The following CNTNAP5 variants were observed in gnomAD, a reference collection of about 807,000 sequenced individuals.
CNTNAP5 encodes the protein contactin-associated protein-like 5.
A neutral mutation model predicts 150.2 loss-of-function variants in CNTNAP5; 72 were observed. The ratio of observed to expected loss-of-function variants is 0.48; its 90% CI spans 0.40 to 0.58. CNTNAP5 has a LOEUF of 0.58. CNTNAP5 is among the 20% of genes least tolerant of loss of function. The pLI is 0.00. For synonymous variants in CNTNAP5, 672 were observed against 619.8 expected, an observed-to-expected ratio of 1.08 and a Z score of -1.25; for missense variants, 1,636 against 1,626.2, an observed-to-expected ratio of 1.01 and a Z score of -0.10.
At chr2:124,831,371 T>C (rs1346063062) in intron 19 of CNTNAP5, among the ~76,000 whole-genome samples, 3 of 151,908 alleles carry the variant, frequency 2.0e-5, no homozygotes, top group Non-Finnish European at 2.9e-5. Flanking sequence ...ATCATATCCA[T>C]TCCATTCATA....
chr2:124,451,388 C>A (rs1020464917), intron 6 of CNTNAP5, among the ~76,000 whole-genome samples: 2 of 151,670 alleles, frequency 1.3e-5, no homozygotes, highest in African/African-American at 4.8e-5. Flanking sequence ...GGCATAAAAT[C>A]CAGAAACTTG....
At chr2:124,474,206 A>T (rs1391956913) in intron 6 of CNTNAP5, among the ~76,000 whole-genome samples, 3 of 152,054 alleles carry the variant, frequency 2.0e-5, no homozygotes, top group African/African-American at 7.2e-5. Context: ...CATCACATTG[A>T]TTCTTAATTA....
chr2:124,757,023 C>G (rs1226430022), intron 14 of CNTNAP5, among the ~76,000 whole-genome samples: 1 of 152,146 alleles, frequency 6.6e-6, no homozygotes, highest in East Asian at 1.9e-4. Context: ...TAATAGCATG[C>G]CAGCACAAAT....
At chr2:124,618,416 A>AT (rs1313266668) in intron 12 of CNTNAP5, among the ~76,000 whole-genome samples, 3 of 152,130 alleles carry the variant, frequency 2.0e-5, no homozygotes, top group Admixed American at 2.0e-4. Flanking sequence ...GTGAATATAT[A>AT]AAAGGAATTT....
intron 6 of CNTNAP5, among the ~76,000 whole-genome samples, chr2:124,460,760 C>T (rs531217148): frequency 1.3e-5 from 2 of 152,112 alleles, no homozygotes; most frequent in Admixed American, 6.6e-5. Context: ...TTTTACTTGG[C>T]GTTGCCTAAT....
intron 1 of CNTNAP5, among the ~76,000 whole-genome samples, chr2:124,108,047 A>G (rs1683206842): frequency 6.6e-6 from 1 of 152,248 alleles, no homozygotes; most frequent in Admixed American, 6.5e-5. Context: ...TTACATAAAC[A>G]GTGGGGCAGA....
Position 124,221,860 on chromosome 2 carries a change from T to C in CNTNAP5, c.187+51T>C, listed in dbSNP as rs565222703. 7 of 1,220,088 alleles carry C rather than the reference T, an allele frequency of 5.7e-6. No homozygotes were observed. The African/African-American group carries it at 1.0e-4, about 18-fold the overall frequency. 75.6% of individuals were successfully genotyped at this position (1,220,088 alleles called of 1,614,324 possible). The stretch of plus-strand genomic sequence containing the variant: ...TGCCAAGCACTAAATAATTACGTGG[T>C]GGGTAGGTGAAGGAGAGTGAGCACT... On this transcript the variant is annotated intron_variant, in intron 2 of 23. Coordinates refer to ENST00000682447, the MANE Select transcript of CNTNAP5 (RefSeq NM_001367498.1).
chr2:124,357,273 G>A (rs938964502), intron 3 of CNTNAP5, among the ~76,000 whole-genome samples: 2 of 152,080 alleles, frequency 1.3e-5, no homozygotes, highest in Non-Finnish European at 2.9e-5. Context: ...TCACTCTGAT[G>A]GTAGTTTATT....
At chr2:124,854,633 T>G (rs958273906) in intron 19 of CNTNAP5, among the ~76,000 whole-genome samples, 1 of 152,236 alleles carries the variant, frequency 6.6e-6, no homozygotes, top group Non-Finnish European at 1.5e-5. Flanking sequence ...TTGGGGGAAG[T>G]GTTGATAACA....
intron 3 of CNTNAP5, among the ~76,000 whole-genome samples, chr2:124,323,463 A>G (rs569948367): frequency 3.9e-5 from 6 of 152,288 alleles, no homozygotes; most frequent in African/African-American, 1.4e-4. Flanking sequence ...GCATCACTGA[A>G]GCTGTGCAAG....
chr2:124,622,130 C>A (rs543885420), intron 12 of CNTNAP5, among the ~76,000 whole-genome samples: 1 of 152,008 alleles, frequency 6.6e-6, no homozygotes, highest in African/African-American at 2.4e-5. Flanking sequence ...AACCCCCACC[C>A]TTTGACAAGC....
intron 6 of CNTNAP5, among the ~76,000 whole-genome samples, chr2:124,452,023 C>T (rs1053760694): frequency 1.3e-5 from 2 of 152,020 alleles, no homozygotes; most frequent in Non-Finnish European, 2.9e-5. Flanking sequence ...CAATTTGAAC[C>T]CATTGAGAAG....
chr2:124,914,496 C>G lies in CNTNAP5; in HGVS notation c.*208C>G, dbSNP rs905597447. 9.1e-6 allele frequency: 5 copies of G among 549,550 alleles called. No individual in the cohort carries two copies. Among genetic ancestry groups the G allele is most frequent in the East Asian group, 3.1e-5 (1 of 32,560 alleles). 34.0% of individuals were successfully genotyped at this position (549,550 alleles called of 1,614,324 possible). A position where few individuals can be genotyped will look rare whatever the true frequency, so the allele number is the denominator to read the frequency against. ...GGCCACTGCCTTCCTCTCTGATGAA[C>G]CTATCGGGTGAAAACGACCACTCAA... On this transcript the variant is annotated 3_prime_UTR_variant, in exon 24 of 24. Transcript: ENST00000682447.
intron 13 of CNTNAP5, among the ~76,000 whole-genome samples, chr2:124,697,207 T>C (rs1309704658): frequency 2.0e-5 from 3 of 152,176 alleles, no homozygotes; most frequent in Non-Finnish European, 2.9e-5. Context: ...ACATTGTACA[T>C]TTGTGTGGTG....
In CNTNAP5 at chr2:124,916,028, G is replaced by A. The variant is rs768820770; in HGVS notation, c.*1740G>A. ...TTGTGCTTAGGGTACACTGTCTCTC[G>A]CCTCTCACAATGAGGAACTTAGTTG... On this transcript the variant is annotated 3_prime_UTR_variant, in exon 24 of 24. Transcript: ENST00000682447. Among the ~76,000 whole-genome samples, 2 of 151,968 alleles carry A rather than the reference G, an allele frequency of 1.3e-5. No individual in the cohort carries two copies. The highest frequency in any genetic ancestry group is 2.9e-5 in the Non-Finnish European group (2 of 67,946).
rs74409397 is a variant in CNTNAP5 at position 124,670,825 on chromosome 2, T to C, written c.2077+22867T>C. Among the ~76,000 whole-genome samples the C allele has an allele frequency of 8.6e-3, 1,304 of 152,328 alleles. 16 individuals are homozygous for C. The highest frequency in any genetic ancestry group is 0.03 in the African/African-American group (1,243 of 41,570). On this transcript the variant is annotated intron_variant, in intron 13 of 23. Coordinates refer to ENST00000682447, the MANE Select transcript of CNTNAP5 (RefSeq NM_001367498.1). ...AAGCTTTATTTCTGTTCACTCTATT[T>C]AAAATTGCAATCTTTTCTGGACACA...
At chr2:124,401,051 G>C (rs1946549) in intron 3 of CNTNAP5, among the ~76,000 whole-genome samples, 1 of 152,042 alleles carries the variant, frequency 6.6e-6, no homozygotes, top group African/African-American at 2.4e-5. Context: ...ATTTTTAGTA[G>C]AAACGGGGTT....
chr2:124,263,293 C>T (rs1262785017), intron 3 of CNTNAP5, among the ~76,000 whole-genome samples: 1 of 152,178 alleles, frequency 6.6e-6, no homozygotes, highest in East Asian at 1.9e-4. Context: ...TATTTCTCCA[C>T]ATCCTCTCCA....
intron 3 of CNTNAP5, among the ~76,000 whole-genome samples, chr2:124,416,753 C>G (rs1293210465): frequency 6.6e-6 from 1 of 151,878 alleles, no homozygotes; most frequent in Non-Finnish European, 1.5e-5. Context: ...TTAATGGTAA[C>G]AATTACTTCA....
Sources: allele counts gnomAD v4.1 joint callset (sites outside exome capture counted in the v4.1 genomes callset), GRCh38; gene constraint gnomAD v4.1.1; transcripts MANE v1.5; gene names NCBI Gene and HGNC (gene_info 2026-07-23, HGNC 2026-07-21).